EML6: variants seen among roughly 807,000 people sequenced by gnomAD.
EML6 encodes EMAP like 6.
EML6 carries 154 observed loss-of-function variants against 240.1 expected under a neutral mutation model. That is an observed-to-expected ratio of 0.64 (90% CI 0.56 to 0.73). The LOEUF (loss-of-function observed/expected upper bound fraction) is 0.73. EML6 is among the 30% of genes least tolerant of loss of function. EML6 has a pLI of 0.00. For missense variants in EML6, 2,964 were observed against 2,474.6 expected, an observed-to-expected ratio of 1.20 and a Z score of -4.20; for synonymous variants, 1,148 against 899.0, an observed-to-expected ratio of 1.28 and a Z score of -4.95.
At chr2:54,921,256 G>A (rs371782626) in intron 26 of EML6, among the ~76,000 whole-genome samples, 1 of 152,058 alleles carries the variant, frequency 6.6e-6, no homozygotes, top group Non-Finnish European at 1.5e-5. Flanking sequence ...AGTCAGTAAA[G>A]TTGTAGGATA....
intron 28 of EML6, among the ~76,000 whole-genome samples, chr2:54,947,483 T>C (rs1428095994): frequency 1.3e-5 from 2 of 152,144 alleles, no homozygotes; most frequent in Non-Finnish European, 2.9e-5. Flanking sequence ...AAAGGTACCC[T>C]GTCTTCCCCT....
chr2:54,969,970 C>T, intron 41 of EML6, 101 bp from the exon 42 acceptor site: 2 of 1,240,260 alleles, frequency 1.6e-6, no homozygotes, highest in South Asian at 2.6e-5. Context: ...CAATACATCA[C>T]CCGAGCTTGA....
intron 21 of EML6, among the ~76,000 whole-genome samples, chr2:54,897,369 T>C (rs1672825485): frequency 6.6e-6 from 1 of 152,240 alleles, no homozygotes; most frequent in Non-Finnish European, 1.5e-5. Context: ...CAATCATATA[T>C]TGAGCACCTA....
At chr2:54,846,841 T>C (rs948734746) in intron 8 of EML6, among the ~76,000 whole-genome samples, 2 of 152,078 alleles carry the variant, frequency 1.3e-5, no homozygotes, top group African/African-American at 4.8e-5. Flanking sequence ...CTTTTTAACA[T>C]GTATGTGTGA....
chr2:54,913,074 T>TG (rs1314644198), intron 25 of EML6, among the ~76,000 whole-genome samples: 1 of 150,618 alleles, frequency 6.6e-6, no homozygotes, highest in African/African-American at 2.4e-5. Context: ...AGATTCTGTT[T>TG]TTTTTTTTTT....
In EML6 at chr2:54,961,184, G is replaced by GTTGTTTTTTTTTTTTTGTTTTTGTTT; in HGVS notation, c.4968+852_4968+853insGTTTTTTTTTTTTTGTTTTTGTTTTT. 4.3e-4 allele frequency among the ~76,000 whole-genome samples: 24 copies of GTTGTTTTTTTTTTTTTGTTTTTGTTT among 55,424 alleles called. 6 individuals carry two copies. The highest frequency in any genetic ancestry group is 7.6e-4 in the Non-Finnish European group (24 of 31,670). The allele number at this position is 55,424 out of a possible 152,430, so 36.4% of individuals were successfully genotyped here. On this transcript the variant is annotated intron_variant, in intron 35 of 41. Coordinates refer to ENST00000356458, the MANE Select transcript of EML6 (RefSeq NM_001039753.4). ...GGAGCCTGGAAGTTATCAGGAAGTAGTTTTTTTTTTTTTTTTTTTGAGACG... is the reference window on the plus strand; with the variant it reads ...GGAGCCTGGAAGTTATCAGGAAGTAGTTGTTTTTTTTTTTTTGTTTTTGTTTTTTTTTTTTTTTTTTTTTTGAGACG...
chr2:54,796,252 A>G (rs1415027177), intron 2 of EML6, among the ~76,000 whole-genome samples: 1 of 152,204 alleles, frequency 6.6e-6, no homozygotes, highest in Non-Finnish European at 1.5e-5. Context: ...AGTCTGATTA[A>G]TGGCTTCTAA....
At chr2:54,969,246 G>C (rs777041781) in intron 41 of EML6, among the ~76,000 whole-genome samples, 2 of 152,174 alleles carry the variant, frequency 1.3e-5, no homozygotes, top group Non-Finnish European at 2.9e-5. Context: ...AACTCACTCA[G>C]CTTCCCCATT....
intron 2 of EML6, among the ~76,000 whole-genome samples, chr2:54,778,785 G>A (rs1668710416): frequency 1.3e-5 from 2 of 150,658 alleles, no homozygotes; most frequent in African/African-American, 2.4e-5. Flanking sequence ...CCAGCTACTC[G>A]GGAGGCTGAG....
chr2:54,820,822 G>T (rs866880596), intron 5 of EML6, among the ~76,000 whole-genome samples: 1 of 152,102 alleles, frequency 6.6e-6, no homozygotes, highest in Non-Finnish European at 1.5e-5. Context: ...TTACATATTT[G>T]CATGTCAACA....
At chr2:54,878,085 C>A (rs1214165754) in intron 16 of EML6, among the ~76,000 whole-genome samples, 4 of 152,184 alleles carry the variant, frequency 2.6e-5, no homozygotes, top group Non-Finnish European at 1.5e-5. Context: ...GTATTCCATG[C>A]AAAATAAGGA....
chr2:54,939,558 G>T (rs914018291), intron 28 of EML6, among the ~76,000 whole-genome samples: 1 of 152,092 alleles, frequency 6.6e-6, no homozygotes, highest in African/African-American at 2.4e-5. Context: ...TTGGCTGATC[G>T]CAGCTGTCAG....
chr2:54,836,814 A>G (rs1249802562), intron 7 of EML6, among the ~76,000 whole-genome samples: 4 of 152,200 alleles, frequency 2.6e-5, no homozygotes, highest in African/African-American at 4.8e-5. Flanking sequence ...ACTGGGCTCC[A>G]AAATCATTGG....
In EML6 at chr2:54,863,876, A is replaced by C; in HGVS notation, c.1919A>C (p.Asn640Thr). 1 of 1,539,540 alleles carries C rather than the reference A, an allele frequency of 6.5e-7. No homozygotes were observed. The highest frequency in any genetic ancestry group is 8.8e-7 in the Non-Finnish European group (1 of 1,139,390). The part of the protein sequence containing the change: ...DSDIEQEAQI[N>T]YDRQVYKEDL... ...GATATTGAGCAAGAAGCTCAAATCA[A>C]TTATGATCGCCAGGTCGGTAAGCAG... Residue 640 changes from asparagine to threonine, a missense_variant, in exon 13 of 42, where the codon AAT (asparagine) becomes ACT (threonine). Coordinates refer to ENST00000356458, the MANE Select transcript of EML6 (RefSeq NM_001039753.4).
At chr2:54,767,130 A>G (rs1490461003) in intron 2 of EML6, among the ~76,000 whole-genome samples, 1 of 152,150 alleles carries the variant, frequency 6.6e-6, no homozygotes, top group Non-Finnish European at 1.5e-5. Flanking sequence ...GTTTTTATAG[A>G]GCATCTGTTT....
chr2:54,945,084 CCCTCTCTCCCT>C (rs1558712866), intron 28 of EML6, among the ~76,000 whole-genome samples: 2 of 123,116 alleles, frequency 1.6e-5, no homozygotes, highest in Non-Finnish European at 3.5e-5. Flanking sequence ...TCCCATTCCT[CCCTCTCTCCCT>C]CCTCTCCCAC....
intron 16 of EML6, among the ~76,000 whole-genome samples, chr2:54,877,939 G>A (rs889721970): frequency 5.3e-5 from 8 of 152,120 alleles, no homozygotes; most frequent in Admixed American, 2.0e-4. Flanking sequence ...GTTGGAGGAG[G>A]GTCTCTTGCA....
intron 16 of EML6, 80 bp downstream of exon 16, chr2:54,871,685 G>A (rs985468154): frequency 4.4e-5 from 43 of 987,430 alleles, no homozygotes; most frequent in Admixed American, 2.8e-4. Context: ...GCGCATGCGC[G>A]CACGCGTGTG....
intron 11 of EML6, among the ~76,000 whole-genome samples, chr2:54,858,654 T>C (rs1670515934): frequency 6.6e-6 from 1 of 152,194 alleles, no homozygotes; most frequent in East Asian, 1.9e-4. Flanking sequence ...GAGCCCCTGA[T>C]ATAATGAGGC....
Sources: allele counts gnomAD v4.1 joint callset (sites outside exome capture counted in the v4.1 genomes callset), GRCh38; gene constraint gnomAD v4.1.1; transcripts MANE v1.5; gene names NCBI Gene and HGNC (gene_info 2026-07-23, HGNC 2026-07-21).